The following UBE2R2 variants were observed in gnomAD, a reference collection of about 807,000 sequenced individuals.
UBE2R2 encodes ubiquitin-conjugating enzyme E2 R2.
UBE2R2 carries 1 observed loss-of-function variant against 27.8 expected under a neutral mutation model. The observed-to-expected ratio is 0.04, with a 90% CI of 0.01 to 0.17. UBE2R2 has a LOEUF of 0.17. Among genes scored for constraint, UBE2R2 ranks in the 10% least tolerant of loss-of-function variants. The pLI, the probability that UBE2R2 is intolerant of heterozygous loss-of-function variation, is 1.00. For synonymous variants in UBE2R2, 106 were observed against 113.3 expected, an observed-to-expected ratio of 0.94 and a Z score of 0.41; for missense variants, 100 against 291.0, an observed-to-expected ratio of 0.34 and a Z score of 4.78.
At chr9:33,899,652 C>T (rs998525539) in intron 2 of UBE2R2, among the ~76,000 whole-genome samples, 9 of 152,292 alleles carry the variant, frequency 5.9e-5, no homozygotes, top group African/African-American at 2.2e-4. Context: ...GGATTACAGG[C>T]GTGAGCCACC....
At chr9:33,842,683 A>G (rs1413837354) in intron 1 of UBE2R2, among the ~76,000 whole-genome samples, 1 of 152,192 alleles carries the variant, frequency 6.6e-6, no homozygotes, top group African/African-American at 2.4e-5. Flanking sequence ...GGGAGGGAGT[A>G]TATAGAATTC....
rs1563981311 is a variant in UBE2R2, at chr9:33,829,792, C to CTTTTTTTTTTTTTTTTT, written c.177+11858_177+11859insTTTTTTTTTTTTTTTTT. On this transcript the variant is annotated intron_variant, in intron 1 of 4. Coordinates refer to ENST00000263228, the MANE Select transcript of UBE2R2 (RefSeq NM_017811.4). ...TACAGCATCTTTAGATTAGTGCAAT[C>CTTTTTTTTTTTTTTTTT]GTTTTTTTTTTTTTTTTTTTTTTAA... Among the ~76,000 whole-genome samples, 5 of 119,334 alleles carry CTTTTTTTTTTTTTTTTT rather than the reference C, an allele frequency of 4.2e-5. 1 individual carries two copies. The highest frequency in any genetic ancestry group is 5.1e-5 in the Non-Finnish European group (3 of 59,144). 78.3% of individuals were successfully genotyped at this position (119,334 alleles called of 152,430 possible). A position where few individuals can be genotyped will look rare whatever the true frequency, so the allele number is the denominator to read the frequency against.
At chr9:33,847,391 G>A (rs898025537) in intron 1 of UBE2R2, among the ~76,000 whole-genome samples, 12 of 152,074 alleles carry the variant, frequency 7.9e-5, no homozygotes, top group South Asian at 2.1e-4. Flanking sequence ...CACTGCGCCC[G>A]GCCCTGGCTT....
chr9:33,908,988 C>T (rs1224966522), intron 3 of UBE2R2, among the ~76,000 whole-genome samples: 2 of 146,674 alleles, frequency 1.4e-5, no homozygotes, highest in African/African-American at 5.4e-5. Context: ...GCCGGGGCAA[C>T]ATAGTGAGAC....
At chr9:33,856,315 T>TA (rs1821099784) in intron 1 of UBE2R2, among the ~76,000 whole-genome samples, 1 of 152,178 alleles carries the variant, frequency 6.6e-6, no homozygotes, top group African/African-American at 2.4e-5. Context: ...TTTTAAAAAT[T>TA]AAAAAACTAT....
intron 1 of UBE2R2, among the ~76,000 whole-genome samples, chr9:33,858,699 G>A (rs10971744): frequency 0.14 from 20,741 of 151,978 alleles, 1,677 homozygotes; most frequent in South Asian, 0.33. Flanking sequence ...AGTCACCGTT[G>A]CCAGGCCAAT....
intron 1 of UBE2R2, among the ~76,000 whole-genome samples, chr9:33,854,717 A>ATTTT (rs60300328): frequency 1.4e-5 from 2 of 138,658 alleles, no homozygotes; most frequent in Admixed American, 7.3e-5. Flanking sequence ...TGCAAGTGCA[A>ATTTT]TTTTTTTTTT....
intron 4 of UBE2R2, among the ~76,000 whole-genome samples, chr9:33,916,704 G>A (rs970367785): frequency 1.3e-5 from 2 of 152,162 alleles, no homozygotes; most frequent in Non-Finnish European, 2.9e-5. Flanking sequence ...TTAAGTCGCC[G>A]ACCTATTGGC....
chr9:33,862,234 G>A (rs1443511649), intron 1 of UBE2R2, among the ~76,000 whole-genome samples: 5 of 152,018 alleles, frequency 3.3e-5, no homozygotes, highest in Non-Finnish European at 2.9e-5. Flanking sequence ...TAGTGATTTC[G>A]ATGTCTTCCT....
intron 2 of UBE2R2, among the ~76,000 whole-genome samples, chr9:33,890,245 A>G (rs1399416089): frequency 6.6e-6 from 1 of 152,234 alleles, no homozygotes; most frequent in Non-Finnish European, 1.5e-5. Context: ...ATGCATGCAT[A>G]TCCCATAAAT....
intron 1 of UBE2R2, among the ~76,000 whole-genome samples, chr9:33,866,458 C>A (rs1435228020): frequency 6.6e-6 from 1 of 152,048 alleles, no homozygotes; most frequent in Non-Finnish European, 1.5e-5. Flanking sequence ...AGGCTGATCT[C>A]GAACTCCTGA....
chr9:33,876,416 A>G (rs555512749), intron 1 of UBE2R2, among the ~76,000 whole-genome samples: 23 of 152,290 alleles, frequency 1.5e-4, no homozygotes, highest in Non-Finnish European at 2.9e-4. Context: ...AGTAATAGAG[A>G]TAGAGATAAA....
At chr9:33,878,433 G>A (rs868251082) in intron 1 of UBE2R2, among the ~76,000 whole-genome samples, 9 of 152,064 alleles carry the variant, frequency 5.9e-5, no homozygotes, top group South Asian at 2.1e-4. Context: ...TTGGAAACAT[G>A]GTGAAACCCT....
chr9:33,845,115 C>G (rs1275884985), intron 1 of UBE2R2, among the ~76,000 whole-genome samples: 2 of 152,096 alleles, frequency 1.3e-5, no homozygotes, highest in Non-Finnish European at 2.9e-5. Flanking sequence ...CTTACAGTAT[C>G]CTCAGCTTGC....
chr9:33,839,618 C>T (rs539127722), intron 1 of UBE2R2, among the ~76,000 whole-genome samples: 10 of 152,224 alleles, frequency 6.6e-5, no homozygotes, highest in Non-Finnish European at 1.2e-4. Flanking sequence ...AAGAAGGCAT[C>T]GTATATGAAG....
intron 1 of UBE2R2, among the ~76,000 whole-genome samples, chr9:33,856,888 C>CT (rs140169417): frequency 0.018 from 1,473 of 82,316 alleles, 190 homozygotes; most frequent in Non-Finnish European, 0.027. Context: ...CTTCCTTTCA[C>CT]TTTTTTTTTT....
In UBE2R2 at chr9:33,846,207, A is replaced by C. The variant is rs571862448; in HGVS notation, c.177+28273A>C. Reference sequence around the variant, plus strand: ...ACTTCTTGGGAGGCTCAGGCAGGGGAATCACTTGAACCCAGGAAGCAGAGG... The same window carrying C: ...ACTTCTTGGGAGGCTCAGGCAGGGGCATCACTTGAACCCAGGAAGCAGAGG... On this transcript the variant is annotated intron_variant, in intron 1 of 4. Transcript: ENST00000263228. Among the ~76,000 whole-genome samples the C allele has an allele frequency of 6.0e-4, 92 of 152,116 alleles. 3 individuals carry two copies. The South Asian group carries it at 0.018, about 31-fold the overall frequency.
intron 1 of UBE2R2, among the ~76,000 whole-genome samples, chr9:33,827,162 G>A (rs889291169): frequency 6.6e-6 from 1 of 151,930 alleles, no homozygotes; most frequent in African/African-American, 2.4e-5. Context: ...GACGCTGTTC[G>A]AATAAAAAAA....
At chr9:33,877,520 G>A (rs1037931183) in intron 1 of UBE2R2, among the ~76,000 whole-genome samples, 16 of 152,040 alleles carry the variant, frequency 1.1e-4, no homozygotes, top group African/African-American at 3.9e-4. Flanking sequence ...AAAGCTGAAA[G>A]TTCAAGAATA....
Sources: allele counts gnomAD v4.1 joint callset (sites outside exome capture counted in the v4.1 genomes callset), GRCh38; gene constraint gnomAD v4.1.1; transcripts MANE v1.5; gene names NCBI Gene and HGNC (gene_info 2026-07-23, HGNC 2026-07-21).